OR3A2: variants seen among roughly 807,000 people sequenced by gnomAD.
OR3A2 encodes the protein olfactory receptor family 3 subfamily A member 2.
For missense variants in OR3A2, 318 were observed against 392.8 expected (o/e 0.81, Z 1.61); for synonymous variants, 126 against 159.3 (o/e 0.79, Z 1.57).
chr17:3,352,763 T>A (rs1257176150), intron 2 of OR3A2, among the ~76,000 whole-genome samples: 1 of 151,750 alleles, frequency 6.6e-6, no homozygotes, highest in African/African-American at 2.4e-5. Flanking sequence ...AATTTTAGGA[T>A]TTTTTTCTAT....
At chr17:3,379,045 T>C (rs1420305673) in intron 2 of OR3A2, among the ~76,000 whole-genome samples, 1 of 152,150 alleles carries the variant, frequency 6.6e-6, no homozygotes, top group African/African-American at 2.4e-5. Flanking sequence ...AATATCTCAC[T>C]CATTCCACAA....
upstream of OR3A2, among the ~76,000 whole-genome samples, chr17:3,285,927 T>G (rs2048806493): frequency 6.6e-6 from 1 of 152,228 alleles, no homozygotes; most frequent in Non-Finnish European, 1.5e-5. Flanking sequence ...TTTCTCTTTT[T>G]AAATATACTC....
intron 2 of OR3A2, among the ~76,000 whole-genome samples, chr17:3,361,288 T>C (rs2049512881): frequency 6.6e-6 from 1 of 151,454 alleles, no homozygotes; most frequent in South Asian, 2.1e-4. Flanking sequence ...TTGCTGAAGT[T>C]GCTTATCAGC....
intron 3 of OR3A2, among the ~76,000 whole-genome samples, chr17:3,324,724 G>T (rs1248843112): frequency 6.6e-6 from 1 of 152,018 alleles, no homozygotes; most frequent in Non-Finnish European, 1.5e-5. Flanking sequence ...TGGAAGTTTT[G>T]TCTCAGAGGA....
intron 2 of OR3A2, among the ~76,000 whole-genome samples, chr17:3,353,650 A>T (rs932373192): frequency 6.6e-6 from 1 of 151,822 alleles, no homozygotes; most frequent in Non-Finnish European, 1.5e-5. Flanking sequence ...GATATGATGC[A>T]TCACATTGAT....
At chr17:3,357,709 G>T (rs2049475249) in intron 2 of OR3A2, among the ~76,000 whole-genome samples, 1 of 151,260 alleles carries the variant, frequency 6.6e-6, no homozygotes, top group South Asian at 2.1e-4. Flanking sequence ...TTAAAATGGT[G>T]TATATAATTT....
At chr17:3,338,389 G>A (rs1369517919) in intron 2 of OR3A2, among the ~76,000 whole-genome samples, 4 of 152,098 alleles carry the variant, frequency 2.6e-5, no homozygotes, top group Admixed American at 6.5e-5. Context: ...TTCTTCTAGG[G>A]TTTTTATGGT....
At chr17:3,328,375 T>TAC (rs1238379419) in intron 3 of OR3A2, among the ~76,000 whole-genome samples, 3 of 74,120 alleles carry the variant, frequency 4.0e-5, no homozygotes, top group Admixed American at 1.8e-4. Flanking sequence ...TGTTGGTGTA[T>TAC]AAGAATGCTT....
At chr17:3,276,496 T>A (rs770910761), downstream of OR3A2, among the ~76,000 whole-genome samples, 1 of 152,238 alleles carries the variant, frequency 6.6e-6, no homozygotes, top group Non-Finnish European at 1.5e-5. Flanking sequence ...TAATATCGTC[T>A]GAATGTTTCC....
chr17:3,378,413 G>A (rs2049703258), intron 2 of OR3A2, among the ~76,000 whole-genome samples: 1 of 152,218 alleles, frequency 6.6e-6, no homozygotes. Flanking sequence ...GGTGCCAGGA[G>A]TAGGGAGAGG....
chr17:3,372,534 A>C (rs1284894441), intron 2 of OR3A2, among the ~76,000 whole-genome samples: 2 of 152,010 alleles, frequency 1.3e-5, no homozygotes, highest in African/African-American at 4.8e-5. Context: ...CCTGGGCACC[A>C]TTGAGCACTG....
intron 2 of OR3A2, among the ~76,000 whole-genome samples, chr17:3,358,275 C>T (rs2049479782): frequency 6.6e-6 from 1 of 151,666 alleles, no homozygotes; most frequent in African/African-American, 2.4e-5. Context: ...CTTGATTTCC[C>T]CTCAGTTCAG....
At position 3,291,587 on chromosome 17, in the gene OR3A2, T is replaced by G. The variant is rs748345315; in HGVS notation, c.-84-12434A>C. The G allele has an allele frequency of 3.5e-5, 51 of 1,463,296 alleles. No individual in the cohort carries two copies. The Admixed American group carries it at 1.1e-3, about 31-fold the overall frequency. The allele number at this position is 1,463,296 out of a possible 1,614,324, so 90.6% of individuals were successfully genotyped here. ...TTCCTAGTTTCTGGCTCTAGAAGAC[T>G]TTTCCTTTAGTACAAGACACAGGGA... On this transcript the variant is annotated intron_variant, in intron 3 of 4. Transcript: ENST00000573491.
rs703903 is a variant in OR3A2 at position 3,292,209 on chromosome 17, C to A, written c.-84-13056G>T. On this transcript the variant is annotated intron_variant, in intron 3 of 4. Coordinates refer to the OR3A2 transcript ENST00000573491. ...GAGGGGCCGGCAGATGGCCAGGAAT[C>A]GGTCATAGGCCATGGCGGTCAGCAG... 7.3e-4 allele frequency: 1,186 copies of A among 1,613,818 alleles called. 8 individuals are homozygous for A. In the African/African-American group the frequency reaches 0.014, roughly 19 times the overall value.
chr17:3,289,799 C>T (rs933608525), intron 3 of OR3A2, among the ~76,000 whole-genome samples: 2 of 152,154 alleles, frequency 1.3e-5, no homozygotes, highest in Non-Finnish European at 2.9e-5. Context: ...CCCAGGTCTT[C>T]CCCAACGGTC....
At chr17:3,336,826 A>G (rs1295544561) in intron 2 of OR3A2, among the ~76,000 whole-genome samples, 1 of 152,222 alleles carries the variant, frequency 6.6e-6, no homozygotes, top group Non-Finnish European at 1.5e-5. Context: ...AGAACCCAGC[A>G]CACATGATCA....
At chr17:3,289,907 C>T (rs1238962018) in intron 3 of OR3A2, among the ~76,000 whole-genome samples, 2 of 152,074 alleles carry the variant, frequency 1.3e-5, no homozygotes, top group Non-Finnish European at 2.9e-5. Flanking sequence ...TGTCTATTGA[C>T]GCCGTCAGCC....
intron 3 of OR3A2, among the ~76,000 whole-genome samples, chr17:3,317,151 G>C (rs937936366): frequency 2.6e-5 from 4 of 152,128 alleles, no homozygotes; most frequent in Admixed American, 6.5e-5. Flanking sequence ...TTCATTCTGG[G>C]GCTTCAGCAG....
chr17:3,315,467 T>C (rs911357487), intron 3 of OR3A2, among the ~76,000 whole-genome samples: 3 of 152,200 alleles, frequency 2.0e-5, no homozygotes, highest in African/African-American at 7.2e-5. Flanking sequence ...CCTGGGTTTG[T>C]CGGCCACTTG....
Sources: allele counts gnomAD v4.1 joint callset (sites outside exome capture counted in the v4.1 genomes callset), GRCh38; gene constraint gnomAD v4.1.1; transcripts MANE v1.5; gene names NCBI Gene and HGNC (gene_info 2026-07-23, HGNC 2026-07-21).